Variants in CHODL observed in about 807,000 individuals in gnomAD.
CHODL encodes the protein chondrolectin, also known as transmembrane protein MT75.
CHODL carries 29 observed loss-of-function variants against 34.5 expected under a neutral mutation model. That is an observed-to-expected ratio of 0.84 (90% confidence interval 0.63 to 1.15). The LOEUF (loss-of-function observed/expected upper bound fraction) is 1.15. CHODL is among the 50% of genes most tolerant of loss of function. The pLI, the probability that CHODL is intolerant of heterozygous loss-of-function variation, is 0.00. For synonymous variants in CHODL, 125 were observed against 116.1 expected (o/e 1.08, Z -0.49); for missense variants, 332 against 332.5 (o/e 1.00, Z 0.01).
At chr21:18,227,732 TAATAA>T (rs2073943314) in intron 2 of CHODL, among the ~76,000 whole-genome samples, 1 of 152,138 alleles carries the variant, frequency 6.6e-6, no homozygotes, top group Non-Finnish European at 1.5e-5. Context: ...TGGAATTAAA[TAATAA>T]AATTGTATAA....
At chr21:17,936,449 A>G (rs1404065347) in intron 1 of CHODL, among the ~76,000 whole-genome samples, 1 of 148,396 alleles carries the variant, frequency 6.7e-6, no homozygotes, top group Non-Finnish European at 1.5e-5. Context: ...AATTAAAGAT[A>G]GTATAAGATG....
chr21:18,229,664 T>A (rs1367181416), intron 2 of CHODL, among the ~76,000 whole-genome samples: 1 of 152,094 alleles, frequency 6.6e-6, no homozygotes, highest in African/African-American at 2.4e-5. Context: ...TGTGGAATAA[T>A]AATACAAACT....
chr21:17,961,303 G>A (rs558059462), intron 1 of CHODL, among the ~76,000 whole-genome samples: 42 of 152,316 alleles, frequency 2.8e-4, no homozygotes, highest in Admixed American at 2.5e-3. Flanking sequence ...AGTTCAGCTA[G>A]TGCTACCTAA....
chr21:18,016,508 C>T (rs564926056), intron 1 of CHODL, among the ~76,000 whole-genome samples: 63 of 152,300 alleles, frequency 4.1e-4, no homozygotes, highest in African/African-American at 1.4e-3. Context: ...CAAGCCCAGG[C>T]GCATGACCTT....
At chr21:17,955,695 G>A (rs1051255191) in intron 1 of CHODL, among the ~76,000 whole-genome samples, 1 of 136,362 alleles carries the variant, frequency 7.3e-6, no homozygotes, top group Non-Finnish European at 1.7e-5. Flanking sequence ...ATTTTGATTT[G>A]CCCTCAGAAA....
chr21:18,219,436 A>G (rs1333248869), intron 2 of CHODL, among the ~76,000 whole-genome samples: 2 of 152,090 alleles, frequency 1.3e-5, no homozygotes, highest in African/African-American at 2.4e-5. Flanking sequence ...AGACACATGG[A>G]TATTATGGGA....
At chr21:17,958,833 A>G (rs1397209959) in intron 1 of CHODL, among the ~76,000 whole-genome samples, 3 of 152,156 alleles carry the variant, frequency 2.0e-5, no homozygotes, top group Non-Finnish European at 2.9e-5. Flanking sequence ...TGATATTTCA[A>G]TGCAAACTTG....
chr21:18,086,589 G>GT (rs2065010368), intron 2 of CHODL, among the ~76,000 whole-genome samples: 1 of 152,088 alleles, frequency 6.6e-6, no homozygotes, highest in Non-Finnish European at 1.5e-5. Flanking sequence ...TATAATCTTT[G>GT]TATGACTACT....
At chr21:18,019,466 G>C (rs1352786352) in intron 1 of CHODL, among the ~76,000 whole-genome samples, 1 of 152,020 alleles carries the variant, frequency 6.6e-6, no homozygotes, top group East Asian at 1.9e-4. Flanking sequence ...ATAATTAAGA[G>C]TATAATTCAG....
At chr21:18,194,944 T>C (rs2073565009) in intron 2 of CHODL, among the ~76,000 whole-genome samples, 2 of 152,148 alleles carry the variant, frequency 1.3e-5, no homozygotes, top group Admixed American at 1.3e-4. Flanking sequence ...CTTCACATGC[T>C]TATCATTTTC....
At chr21:17,993,641 A>G (rs1200135359) in intron 1 of CHODL, among the ~76,000 whole-genome samples, 11 of 152,202 alleles carry the variant, frequency 7.2e-5, no homozygotes, top group Admixed American at 7.2e-4. Context: ...GGTTCATTCT[A>G]TGTCTTTGCT....
intron 2 of CHODL, among the ~76,000 whole-genome samples, chr21:18,225,519 ATAAAG>A (rs2073923274): frequency 6.6e-6 from 1 of 152,178 alleles, no homozygotes; most frequent in African/African-American, 2.4e-5. Context: ...GTTAACATAA[ATAAAG>A]TAAATATGTA....
At chr21:18,246,114 T>C in intron 1 of CHODL, 1 of 664,966 alleles carries the variant, frequency 1.5e-6, no homozygotes, top group Non-Finnish European at 2.7e-6. Context: ...TCTCCCTTAC[T>C]TTTTGGGACG....
chr21:18,025,755 G>A (rs2064168695), intron 1 of CHODL, among the ~76,000 whole-genome samples: 1 of 152,014 alleles, frequency 6.6e-6, no homozygotes, highest in Non-Finnish European at 1.5e-5. Flanking sequence ...ACGTTGATTT[G>A]ATTCTGAGGC....
chr21:18,024,541 T>C (rs533850867), intron 1 of CHODL: 13 of 152,330 alleles, frequency 8.5e-5, no homozygotes, highest in African/African-American at 3.1e-4. Flanking sequence ...GCTTCTTTGC[T>C]TTCCTGCCTG....
At chr21:17,975,154 T>G (rs1043070557) in intron 1 of CHODL, among the ~76,000 whole-genome samples, 1 of 151,960 alleles carries the variant, frequency 6.6e-6, no homozygotes, top group African/African-American at 2.4e-5. Context: ...GGTGAAAGAT[T>G]ATGTCCTTTT....
At chr21:17,921,935 AT>A (rs1427509509) in intron 1 of CHODL, among the ~76,000 whole-genome samples, 1 of 152,124 alleles carries the variant, frequency 6.6e-6, no homozygotes, top group Admixed American at 6.5e-5. Context: ...CCAAATTTCT[AT>A]TTTTTCCAAG....
chr21:17,976,270 G>GAAAAAAAAAAAAAAAA (rs71318119), intron 1 of CHODL, among the ~76,000 whole-genome samples: 4 of 66,536 alleles, frequency 6.0e-5, no homozygotes, highest in Non-Finnish European at 9.7e-5. Context: ...GACCATCTCA[G>GAAAAAAAAAAAAAAAA]AAAAAAAAAA....
chr21:18,097,295 G>A (rs1440830450), intron 2 of CHODL, among the ~76,000 whole-genome samples: 1 of 152,084 alleles, frequency 6.6e-6, no homozygotes, highest in Non-Finnish European at 1.5e-5. Context: ...CTTGTTTGCA[G>A]ATGATATAAT....
Sources: gnomAD v4.1 joint callset for allele counts (sites outside exome capture counted in the v4.1 genomes callset) on GRCh38, gnomAD v4.1.1 for gene constraint, MANE v1.5 for transcripts, NCBI Gene and HGNC (gene_info 2026-07-23, HGNC 2026-07-21) for gene names.